Variants in HDAC4 observed in about 807,000 individuals in gnomAD.
The protein encoded by HDAC4 is histone deacetylase A.
HDAC4 carries 16 observed loss-of-function variants against 135.1 expected under a neutral mutation model. That is an observed-to-expected ratio of 0.12 (90% confidence interval 0.08 to 0.18). HDAC4 has a LOEUF of 0.18. Among genes scored for constraint, HDAC4 ranks in the 10% least tolerant of loss-of-function variants. HDAC4 has a pLI of 1.00. For synonymous variants in HDAC4, 685 were observed against 653.4 expected (o/e 1.05, Z -0.74); for missense variants, 1,143 against 1,511.8 (o/e 0.76, Z 4.05).
chr2:239,264,817 G>C (rs1025511019), intron 2 of HDAC4, among the ~76,000 whole-genome samples: 2 of 152,212 alleles, frequency 1.3e-5, no homozygotes, highest in Admixed American at 6.5e-5. Context: ...GCCCACTGCT[G>C]CCCCGTCGGA....
intron 2 of HDAC4, among the ~76,000 whole-genome samples, chr2:239,278,927 A>G (rs138217181): frequency 7.0e-4 from 107 of 152,284 alleles, no homozygotes; most frequent in African/African-American, 2.5e-3. Context: ...CTGGAGCCCA[A>G]GAGCTCGAGG....
intron 3 of HDAC4, among the ~76,000 whole-genome samples, chr2:239,230,367 G>GCAAAAAAAAAAAAAAAAAAAAAA (rs2047474005): frequency 1.3e-4 from 2 of 15,370 alleles, no homozygotes; most frequent in Non-Finnish European, 1.0e-4. Flanking sequence ...AAGCAAGCAA[G>GCAAAAAAAAAAAAAAAAAAAAAA]CAAAAAAAAA....
At chr2:239,227,150 G>T (rs1365752662) in intron 3 of HDAC4, among the ~76,000 whole-genome samples, 1 of 152,226 alleles carries the variant, frequency 6.6e-6, no homozygotes, top group African/African-American at 2.4e-5. Flanking sequence ...CGGGGCACAG[G>T]GGCTGGTGGG....
intron 12 of HDAC4, among the ~76,000 whole-genome samples, chr2:239,118,307 C>T (rs965518504): frequency 6.6e-6 from 1 of 152,238 alleles, no homozygotes; most frequent in African/African-American, 2.4e-5. Flanking sequence ...CCGAAGGCAG[C>T]TTTTCTTCAG....
At chr2:239,385,170 G>A (rs990672084) in intron 1 of HDAC4, among the ~76,000 whole-genome samples, 7 of 152,188 alleles carry the variant, frequency 4.6e-5, no homozygotes, top group South Asian at 2.1e-4. Context: ...ACTGCTTTGC[G>A]TGGAGGCCCT....
At position 239,367,118 on chromosome 2, in the gene HDAC4, G is replaced by C. The variant is rs888608854; in HGVS notation, c.-219-14200C>G. ...CACAGAAACCCGTTTCTAAAACAGC[G>C]GTCCTCATAATGCGATCTGGGGTCC... On this transcript the variant is annotated intron_variant, in intron 1 of 26. Transcript: ENST00000543185. Among the ~76,000 whole-genome samples, 12 of 152,092 alleles carry C rather than the reference G, an allele frequency of 7.9e-5. No homozygotes were observed. In the South Asian group the frequency reaches 2.3e-3, roughly 29 times the overall value.
rs150208585 is a variant in HDAC4 at position 239,346,083 on chromosome 2, AAC to A, written c.22+6593_22+6594del. 4.3e-4 allele frequency among the ~76,000 whole-genome samples: 43 copies of A among 98,874 alleles called. No homozygotes were observed. The East Asian group carries it at 0.012, about 28-fold the overall frequency. The allele number at this position is 98,874 out of a possible 152,430, so 64.9% of individuals were successfully genotyped here. A position where few individuals can be genotyped will look rare whatever the true frequency, so the allele number is the denominator to read the frequency against. On this transcript the variant is annotated intron_variant, in intron 2 of 26. Coordinates refer to ENST00000543185, the MANE Select transcript of HDAC4 (RefSeq NM_001378414.1). ...CCCCATCTCACACATGCACTCACCC[AAC>A]ACACACACACCCTAACACACATACA...
chr2:239,083,863 C>G (rs1463389328), intron 20 of HDAC4, among the ~76,000 whole-genome samples: 7 of 152,202 alleles, frequency 4.6e-5, no homozygotes, highest in Admixed American at 1.3e-4. Context: ...CAGCCTCCTC[C>G]CCAACACCTG....
chr2:239,111,838 G>A, intron 13 of HDAC4, 126 bp from the exon 14 acceptor site: 1 of 876,488 alleles, frequency 1.1e-6, no homozygotes, highest in Non-Finnish European at 1.8e-6. Context: ...CCACAAGGAT[G>A]CCGGGAGGCC....
intron 2 of HDAC4, among the ~76,000 whole-genome samples, chr2:239,279,835 T>C (rs2050601879): frequency 1.3e-5 from 2 of 152,104 alleles, no homozygotes; most frequent in East Asian, 3.8e-4. Flanking sequence ...AATGGCCAGC[T>C]CTCACCGGGC....
intron 2 of HDAC4, among the ~76,000 whole-genome samples, chr2:239,276,091 T>C (rs1340157622): frequency 1.3e-5 from 2 of 152,110 alleles, no homozygotes; most frequent in Non-Finnish European, 2.9e-5. Flanking sequence ...GTTCCTCCAC[T>C]GCCAGGGAGG....
intron 1 of HDAC4, among the ~76,000 whole-genome samples, chr2:239,363,750 C>G (rs567782504): frequency 6.6e-6 from 1 of 152,280 alleles, no homozygotes; most frequent in East Asian, 1.9e-4. Context: ...ATTAAGAACA[C>G]TCATTTATCA....
rs79757798 is a variant in HDAC4, at chr2:239,087,082, C to T, written c.2444+477G>A. Among the ~76,000 whole-genome samples the T allele has an allele frequency of 9.0e-3, 1,370 of 152,314 alleles. 27 individuals carry two copies. The highest frequency in any genetic ancestry group is 0.031 in the African/African-American group (1,305 of 41,570). On this transcript the variant is annotated intron_variant, in intron 19 of 26. Coordinates refer to ENST00000543185, the MANE Select transcript of HDAC4 (RefSeq NM_001378414.1). ...CCAGATCCTCAGCTGTATGGACCGT[C>T]GGCAGTCTCTGAAAGACCCGAAACA...
intron 3 of HDAC4, among the ~76,000 whole-genome samples, chr2:239,227,848 C>T (rs2047330122): frequency 6.6e-6 from 1 of 151,836 alleles, no homozygotes; most frequent in Non-Finnish European, 1.5e-5. Flanking sequence ...CAGCGGACTG[C>T]AGGTCCAGCA....
At chr2:239,185,960 G>C (rs2044525105) in intron 4 of HDAC4, among the ~76,000 whole-genome samples, 1 of 152,086 alleles carries the variant, frequency 6.6e-6, no homozygotes, top group South Asian at 2.1e-4. Context: ...CTTGAACCTG[G>C]GAGGCGAAGA....
At chr2:239,291,399 C>T (rs2051488365) in intron 2 of HDAC4, among the ~76,000 whole-genome samples, 1 of 152,210 alleles carries the variant, frequency 6.6e-6, no homozygotes, top group African/African-American at 2.4e-5. Flanking sequence ...AGAGCCTGAT[C>T]GCCCTCAAAG....
At chr2:239,399,861 AC>A (rs936164687) in intron 1 of HDAC4, among the ~76,000 whole-genome samples, 1 of 152,234 alleles carries the variant, frequency 6.6e-6, no homozygotes, top group African/African-American at 2.4e-5. Flanking sequence ...AATTTCTGCA[AC>A]GCTTTATTTG....
At chr2:239,199,913 T>C (rs945994688) in intron 3 of HDAC4, among the ~76,000 whole-genome samples, 4 of 152,106 alleles carry the variant, frequency 2.6e-5, no homozygotes, top group African/African-American at 7.2e-5. Flanking sequence ...ATTTTTTTGA[T>C]TTTTTCAGTA....
intron 1 of HDAC4, among the ~76,000 whole-genome samples, chr2:239,362,799 G>A (rs1346359110): frequency 6.6e-6 from 1 of 152,168 alleles, no homozygotes; most frequent in African/African-American, 2.4e-5. Context: ...CCCTGGCAGA[G>A]ATCCTAGCCA....
Sources: gnomAD v4.1 joint callset for allele counts (sites outside exome capture counted in the v4.1 genomes callset) on GRCh38, gnomAD v4.1.1 for gene constraint, MANE v1.5 for transcripts, NCBI Gene and HGNC (gene_info 2026-07-23, HGNC 2026-07-21) for gene names.